MEGF11: variants seen among roughly 807,000 people sequenced by gnomAD.
MEGF11 encodes the protein multiple epidermal growth factor-like domains protein 11.
A neutral mutation model predicts 146.6 loss-of-function variants in MEGF11; 126 were observed. The ratio of observed to expected loss-of-function variants is 0.86; its 90% CI spans 0.74 to 1.00. MEGF11 has a LOEUF of 1.00. Ranked by LOEUF, MEGF11 falls within the 50% of genes least tolerant of loss-of-function variation. MEGF11 has a pLI of 0.00. For missense variants in MEGF11, 1,509 were observed against 1,521.2 expected, an observed-to-expected ratio of 0.99 and a Z score of 0.13; for synonymous variants, 532 against 583.4, an observed-to-expected ratio of 0.91 and a Z score of 1.27.
At chr15:66,023,925 G>A (rs2083244056) in intron 5 of MEGF11, among the ~76,000 whole-genome samples, 2 of 152,198 alleles carry the variant, frequency 1.3e-5, no homozygotes, top group African/African-American at 2.4e-5. Flanking sequence ...TGCAGGGGGA[G>A]GGGAGCATAC....
At chr15:66,150,054 T>G (rs573128250) in intron 1 of MEGF11, among the ~76,000 whole-genome samples, 125 of 152,374 alleles carry the variant, frequency 8.2e-4, no homozygotes, top group Admixed American at 1.8e-3. Context: ...ACTCTTTGAC[T>G]GAGTCAGAGC....
chr15:66,142,802 G>A (rs2089217661), intron 1 of MEGF11, among the ~76,000 whole-genome samples: 1 of 152,244 alleles, frequency 6.6e-6, no homozygotes, highest in African/African-American at 2.4e-5. Context: ...TTGATGAGAA[G>A]GAGCTAGAAT....
intron 1 of MEGF11, among the ~76,000 whole-genome samples, chr15:66,222,672 GC>G (rs1481964650): frequency 2.6e-5 from 4 of 152,194 alleles, no homozygotes; most frequent in Admixed American, 2.6e-4. Flanking sequence ...TTTAAAATGA[GC>G]AAAGGATCTG....
intron 1 of MEGF11, among the ~76,000 whole-genome samples, chr15:66,227,048 C>T (rs534767148): frequency 1.5e-3 from 234 of 152,282 alleles, no homozygotes; most frequent in African/African-American, 5.4e-3. Context: ...AACAGGTCCA[C>T]GGAGGCCTCT....
At chr15:66,080,849 A>G (rs1354883101) in intron 5 of MEGF11, among the ~76,000 whole-genome samples, 1 of 152,212 alleles carries the variant, frequency 6.6e-6, no homozygotes, top group African/African-American at 2.4e-5. Context: ...GGAGGCCCAC[A>G]GGCACACCAG....
chr15:65,898,090 G>A lies in MEGF11; in HGVS notation c.3267C>T (p.Pro1089=). 6.2e-7 allele frequency: 1 copy of A among 1,612,812 alleles called. No individual in the cohort carries two copies. Among genetic ancestry groups the A allele is most frequent in the Middle Eastern group, 1.6e-4 (1 of 6,062 alleles). Residue 1089 remains proline (P), a synonymous_variant, in exon 26 of 26, where the codon CCC becomes CCT. Coordinates refer to ENST00000395614, the MANE Select transcript of MEGF11 (RefSeq NM_001385028.1). ...TSNKNIYEVE[P]TVSVVQEGCG... is the part of the protein sequence containing the mutation. Reference sequence around the variant, plus strand: ...AACCTTCTTGGACCACACTGACTGTGGGCTCTAAGAAATATAGTGAAAAAT... The same window carrying A: ...AACCTTCTTGGACCACACTGACTGTAGGCTCTAAGAAATATAGTGAAAAAT...
At chr15:66,244,779 G>T (rs1208427069) in intron 1 of MEGF11, among the ~76,000 whole-genome samples, 1 of 152,082 alleles carries the variant, frequency 6.6e-6, no homozygotes, top group Non-Finnish European at 1.5e-5. Flanking sequence ...GAAGAAAAAA[G>T]GGTGAAGATT....
chr15:65,943,675 GTA>G (rs1256077923), intron 10 of MEGF11, among the ~76,000 whole-genome samples: 1 of 152,152 alleles, frequency 6.6e-6, no homozygotes, highest in African/African-American at 2.4e-5. Context: ...TGTGAGTTTG[GTA>G]TGTGTGTGTG....
intron 5 of MEGF11, among the ~76,000 whole-genome samples, chr15:65,990,708 GAAGGAAGA>G (rs373592027): frequency 0.032 from 3,251 of 100,200 alleles, 83 homozygotes; most frequent in African/African-American, 0.083. Flanking sequence ...AGAAAGAAAG[GAAGGAAGA>G]AAGAAAGAAA....
chr15:66,054,624 G>A (rs2140369746), intron 5 of MEGF11, among the ~76,000 whole-genome samples: 1 of 152,346 alleles, frequency 6.6e-6, no homozygotes, highest in African/African-American at 2.4e-5. Context: ...GAGCACACAT[G>A]TTGAACACTT....
chr15:66,068,952 CA>C (rs1298008939), intron 5 of MEGF11, among the ~76,000 whole-genome samples: 1 of 152,246 alleles, frequency 6.6e-6, no homozygotes, highest in East Asian at 1.9e-4. Context: ...GCCCCTACTA[CA>C]AGCCAGGGAC....
intron 5 of MEGF11, among the ~76,000 whole-genome samples, chr15:65,999,193 G>A (rs1254096313): frequency 3.9e-5 from 6 of 151,924 alleles, no homozygotes; most frequent in Middle Eastern, 3.4e-3. Flanking sequence ...CACCATGACC[G>A]GCTATTTTTT....
Position 65,982,456 on chromosome 15 carries a change from T to C in MEGF11, c.427A>G (p.Ser143Gly). The stretch of plus-strand genomic sequence containing the variant: ...CCGTTCTGGCACTGGCACCGGTTGC[T>C]GCAGTGGGGCCCCCAGTGGTCGCTG... ...CDSDHWGPHCSNRCQCQNGAL... is the reference protein window; with the variant it reads ...CDSDHWGPHCGNRCQCQNGAL... The change falls in exon 6 of 26, where the codon AGC becomes GGC. Residue 143 changes from serine to glycine, a missense_variant. Physicochemically the swap from Ser to Gly is moderately conservative, Grantham distance 56 (BLOSUM62 0). Coordinates refer to ENST00000395614, the MANE Select transcript of MEGF11 (RefSeq NM_001385028.1). The surrounding 1 kb of genome is among the most constrained non-coding windows in gnomAD (Gnocchi z 5.6). The C allele has an allele frequency of 6.7e-7, 1 of 1,489,758 alleles. No homozygotes were observed. Among genetic ancestry groups the C allele is most frequent in the East Asian group, 2.5e-5 (1 of 40,652 alleles). The allele number at this position is 1,489,758 out of a possible 1,614,324, so 92.3% of individuals were successfully genotyped here.
In MEGF11 at chr15:65,979,381, G is replaced by A. The variant is rs372318414; in HGVS notation, c.762+1397C>T. On this transcript the variant is annotated intron_variant, in intron 7 of 25. Transcript: ENST00000395614. ...CCTAAAAAAATTCTGTCAAGACTGTGCCTGCATCGATGGGCCCTGCAGGTG... is the reference window on the plus strand; with the variant it reads ...CCTAAAAAAATTCTGTCAAGACTGTACCTGCATCGATGGGCCCTGCAGGTG... Among the ~76,000 whole-genome samples, 14 of 152,302 alleles carry A rather than the reference G, an allele frequency of 9.2e-5. No individual in the cohort carries two copies. In the East Asian group the frequency reaches 1.3e-3, roughly 15 times the overall value.
intron 5 of MEGF11, among the ~76,000 whole-genome samples, chr15:66,083,188 C>T (rs1052280875): frequency 6.6e-6 from 1 of 152,112 alleles, no homozygotes; most frequent in African/African-American, 2.4e-5. Flanking sequence ...TGGGGCTATA[C>T]CACCAGGCCT....
At chr15:66,234,204 T>G (rs2092038532) in intron 1 of MEGF11, among the ~76,000 whole-genome samples, 1 of 152,164 alleles carries the variant, frequency 6.6e-6, no homozygotes, top group Non-Finnish European at 1.5e-5. Flanking sequence ...CGGCCAGACA[T>G]TGTCATTTCT....
rs1043678622 is a variant in MEGF11 at position 66,175,479 on chromosome 15, G to A, written c.-8-47068C>T. ...TATTGGTATAAAAACAGACATATAA[G>A]CCAATAAAACAGGTTAGAGAACCCA... On this transcript the variant is annotated intron_variant, in intron 1 of 25. Transcript: ENST00000395614. 4.6e-5 allele frequency among the ~76,000 whole-genome samples: 7 copies of A among 152,200 alleles called. No homozygotes were observed. In the East Asian group the frequency reaches 1.2e-3, roughly 25 times the overall value.
intron 5 of MEGF11, among the ~76,000 whole-genome samples, chr15:66,072,509 C>T (rs1360944658): frequency 1.3e-5 from 2 of 152,238 alleles, no homozygotes; most frequent in Non-Finnish European, 2.9e-5. Flanking sequence ...TGAAAGCATG[C>T]ACCTTCTCTG....
rs2091459494 is a variant in MEGF11 at position 66,211,715 on chromosome 15, G to A, written c.-9+41890C>T. Among the ~76,000 whole-genome samples, 3 of 151,376 alleles carry A rather than the reference G, an allele frequency of 2.0e-5. No individual in the cohort carries two copies. In the South Asian group the frequency reaches 6.3e-4, roughly 32 times the overall value. ...TGATGTGCTAATTGTCAAATATTTT[G>A]ACTATGACCCTGAGTAAGACACTCT... is the stretch of plus-strand genomic sequence containing the variant. On this transcript the variant is annotated intron_variant, in intron 1 of 25. Transcript: ENST00000395614.
Sources: allele counts gnomAD v4.1 joint callset (sites outside exome capture counted in the v4.1 genomes callset), GRCh38; gene constraint gnomAD v4.1.1; non-coding constraint Gnocchi (gnomAD v3.1); transcripts MANE v1.5; gene names NCBI Gene and HGNC (gene_info 2026-07-23, HGNC 2026-07-21).